Variants in MTARC2 observed in about 807,000 individuals in gnomAD.
The protein encoded by MTARC2 is MOCO sulphurase C-terminal domain containing 2.
A neutral mutation model predicts 35.6 loss-of-function variants in MTARC2; 27 were observed. The observed-to-expected ratio is 0.76, with a 90% CI of 0.56 to 1.04. MTARC2 has a LOEUF of 1.04. MTARC2 is among the 50% of genes least tolerant of loss of function. The probability of loss-of-function intolerance (pLI) is 0.00; values close to 1 mark genes in which losing one functional copy is unlikely to be tolerated. For missense variants in MTARC2, 412 were observed against 432.5 expected (o/e 0.95, Z 0.42); for synonymous variants, 158 against 167.1 (o/e 0.95, Z 0.42).
At chr1:220,772,700 T>G (rs201069573) in intron 4 of MTARC2, among the ~76,000 whole-genome samples, 1,811 of 148,628 alleles carry the variant, frequency 0.012, 30 homozygotes, top group East Asian at 0.051. Context: ...GTGTGTGTGT[T>G]TGTGTGTGTG....
intron 2 of MTARC2, among the ~76,000 whole-genome samples, chr1:220,760,092 C>A (rs1467428336): frequency 6.6e-6 from 1 of 152,178 alleles, no homozygotes; most frequent in East Asian, 1.9e-4. Flanking sequence ...TGAATTATAT[C>A]TACAATCAGC....
chr1:220,774,012 T>C (rs548372753), intron 4 of MTARC2, among the ~76,000 whole-genome samples: 24 of 152,092 alleles, frequency 1.6e-4, no homozygotes, highest in Non-Finnish European at 7.4e-5. Flanking sequence ...CTTGTGTTTT[T>C]TTCACTCAGC....
At chr1:220,752,543 G>A (rs988332472) in intron 1 of MTARC2, among the ~76,000 whole-genome samples, 13 of 152,162 alleles carry the variant, frequency 8.5e-5, no homozygotes, top group Non-Finnish European at 1.3e-4. Context: ...AGAACTGTGG[G>A]ATCTAAAGAC....
chr1:220,773,334 G>A (rs903669165), intron 4 of MTARC2, among the ~76,000 whole-genome samples: 2 of 152,212 alleles, frequency 1.3e-5, no homozygotes, highest in African/African-American at 2.4e-5. Flanking sequence ...TGGTGCACCC[G>A]GAGAGGGCAT....
rs376840867 is a variant in MTARC2, at chr1:220,780,214, A to C, written c.859A>C (p.Lys287Gln). 177 of 1,612,620 alleles carry C rather than the reference A, an allele frequency of 1.1e-4. 3 individuals carry two copies. In the South Asian group the frequency reaches 1.7e-3, roughly 16 times the overall value. ...CCCAGACACTGGAGTCATAGACAGG[A>C]AACAGCCACTGGACACCCTGAAGAG... ...VDPDTGVIDRKQPLDTLKSYR... is the reference protein window; with the variant it reads ...VDPDTGVIDRQQPLDTLKSYR... Residue 287 changes from lysine to glutamine, a missense_variant, in exon 6 of 8, where the codon AAA becomes CAA. Transcript: ENST00000366913.
intron 4 of MTARC2, among the ~76,000 whole-genome samples, chr1:220,778,247 C>A (rs1485522915): frequency 4.2e-3 from 409 of 97,268 alleles, no homozygotes; most frequent in South Asian, 4.8e-3. Context: ...GACTCTGTCT[C>A]AAAAAAAAAA....
At chr1:220,756,695 A>G (rs926023456) in intron 2 of MTARC2, among the ~76,000 whole-genome samples, 45 of 152,342 alleles carry the variant, frequency 3.0e-4, no homozygotes, top group African/African-American at 1.0e-3. Flanking sequence ...CGTAGCTGAC[A>G]TGTGTCACAT....
intron 2 of MTARC2, among the ~76,000 whole-genome samples, chr1:220,755,732 A>G (rs1159709260): frequency 1.3e-5 from 2 of 152,184 alleles, no homozygotes; most frequent in Non-Finnish European, 2.9e-5. Context: ...GCAGGTCATC[A>G]GTCTATTATT....
At chr1:220,754,894 G>C in intron 1 of MTARC2, 53 bp from the exon 2 acceptor site, 1 of 1,496,978 alleles carries the variant, frequency 6.7e-7, no homozygotes. Flanking sequence ...GAGGGAAGCT[G>C]TTGGGAGGTG....
rs1382849923 is a variant in MTARC2, at chr1:220,755,097, C to T, written c.423C>T (p.Ser141=). The T allele has an allele frequency of 2.5e-6, 4 of 1,608,930 alleles. No homozygotes were observed. Among genetic ancestry groups the T allele is most frequent in the Non-Finnish European group, 3.4e-6 (4 of 1,177,822 alleles). ...TGGTTTTGCCTAGCAAGCAGCCTTC[C>T]TCAAACAAACTCCACAACTGCAGGT... The part of the protein sequence containing the change: ...DQLVLPSKQP[S]SNKLHNCRIF... The change falls in exon 2 of 8, where the codon TCC becomes TCT. Residue 141 remains serine, a synonymous_variant. Coordinates refer to ENST00000366913, the MANE Select transcript of MTARC2 (RefSeq NM_017898.5).
chr1:220,754,960 A>G lies in MTARC2; in HGVS notation c.286A>G (p.Ile96Val). ...GTTTCTCTGCAGGTTTTGGCTGGTG[A>G]TTAAGGAAGATGGACACATGGTCAC... ...GNLRDRFWLV[I>V]KEDGHMVTAR... is the part of the protein sequence containing the mutation. Residue 96 changes from isoleucine to valine, a missense_variant, in exon 2 of 8, where the codon ATT becomes GTT. By Grantham distance (29) the Ile-to-Val change is conservative. Coordinates refer to ENST00000366913, the MANE Select transcript of MTARC2 (RefSeq NM_017898.5). 6.3e-7 allele frequency: 1 copy of G among 1,590,620 alleles called. No individual in the cohort carries two copies. The highest frequency in any genetic ancestry group is 8.6e-7 in the Non-Finnish European group (1 of 1,168,942).
At chr1:220,783,095 G>C (rs914646290) in intron 7 of MTARC2, among the ~76,000 whole-genome samples, 1 of 152,146 alleles carries the variant, frequency 6.6e-6, no homozygotes, top group African/African-American at 2.4e-5. Context: ...CTAGGTATTT[G>C]CATAACCATA....
chr1:220,749,865 C>T (rs891053324), intron 1 of MTARC2, among the ~76,000 whole-genome samples: 3 of 152,158 alleles, frequency 2.0e-5, no homozygotes, highest in East Asian at 1.9e-4. Flanking sequence ...CCAGGACACG[C>T]GGATGCACTG....
intron 4 of MTARC2, among the ~76,000 whole-genome samples, chr1:220,771,073 C>G (rs1671731358): frequency 2.0e-5 from 3 of 152,172 alleles, no homozygotes; most frequent in East Asian, 3.9e-4. Flanking sequence ...CCGAGCCAGT[C>G]GGATCACCTG....
At chr1:220,756,350 G>A (rs960596306) in intron 2 of MTARC2, 1 of 152,322 alleles carries the variant, frequency 6.6e-6, no homozygotes, top group Admixed American at 6.5e-5. Flanking sequence ...AAGCGTCTAA[G>A]CTGAAATCCA....
chr1:220,784,090 G>A lies in MTARC2; in HGVS notation c.*203G>A. ...TAATGCAAGGAAAGTATTAGAGGGG[G>A]GAATATGAAAGTATATATATAAATT... On this transcript the variant is annotated 3_prime_UTR_variant, in exon 8 of 8. Transcript: ENST00000366913. The A allele has an allele frequency of 1.7e-6, 1 of 589,836 alleles. No homozygotes were observed. The highest frequency in any genetic ancestry group is 2.3e-5 in the South Asian group (1 of 43,644). The allele number at this position is 589,836 out of a possible 1,614,324, so 36.5% of individuals were successfully genotyped here.
chr1:220,781,631 A>AT (rs1438197730), intron 6 of MTARC2, 147 bp from the exon 7 acceptor site: 14 of 743,122 alleles, frequency 1.9e-5, no homozygotes, highest in Non-Finnish European at 2.6e-5. Context: ...AGTTTGACTA[A>AT]TTGTCCACAG....
At chr1:220,772,688 G>A (rs12047809) in intron 4 of MTARC2, among the ~76,000 whole-genome samples, 1,723 of 151,868 alleles carry the variant, frequency 0.011, 24 homozygotes, top group African/African-American at 0.029. Context: ...GGCAGGGTGT[G>A]TGTGTGTGTG....
In MTARC2 at chr1:220,748,798, G is replaced by A. The variant is rs1010634510; in HGVS notation, c.267G>A (p.Arg89=). The part of the protein sequence containing the change: ...TAMGLRSGNL[R]DRFWLVIKED... ...TGGGGCTGCGCAGCGGCAACCTGCGGGACAGGTACAGCACAGCGCGGGCGC... is the reference window on the plus strand; with the variant it reads ...TGGGGCTGCGCAGCGGCAACCTGCGAGACAGGTACAGCACAGCGCGGGCGC... The change falls in exon 1 of 8, where the codon CGG becomes CGA. Residue 89 remains arginine (R), a synonymous_variant. Coordinates refer to ENST00000366913, the MANE Select transcript of MTARC2 (RefSeq NM_017898.5). The A allele has an allele frequency of 6.3e-7, 1 of 1,591,946 alleles. No homozygotes were observed. The highest frequency in any genetic ancestry group is 1.1e-5 in the South Asian group (1 of 88,146).
Sources: allele counts gnomAD v4.1 joint callset (sites outside exome capture counted in the v4.1 genomes callset), GRCh38; gene constraint gnomAD v4.1.1; transcripts MANE v1.5; gene names NCBI Gene and HGNC (gene_info 2026-07-23, HGNC 2026-07-21).